ST3GAL1: variants seen among roughly 807,000 people sequenced by gnomAD.
ST3GAL1 encodes the protein ST3 beta-galactoside alpha-2,3-sialyltransferase 1, also known as CMP-N-acetylneuraminate-beta-galactosamide-alpha-2,3-sialyltransferase 1.
A neutral mutation model predicts 34.1 loss-of-function variants in ST3GAL1; 16 were observed. The observed-to-expected ratio is 0.47, with a 90% CI of 0.32 to 0.71. The LOEUF is 0.71. Among genes scored for constraint, ST3GAL1 ranks in the 30% least tolerant of loss-of-function variants. The pLI is 0.04. For synonymous variants in ST3GAL1, 191 were observed against 184.7 expected (o/e 1.03, Z -0.28); for missense variants, 353 against 447.4 (o/e 0.79, Z 1.90).
chr8:133,531,598 T>C (rs915959240), intron 2 of ST3GAL1, among the ~76,000 whole-genome samples: 1 of 152,036 alleles, frequency 6.6e-6, no homozygotes, highest in Non-Finnish European at 1.5e-5. Context: ...TAAAAAGCCA[T>C]GTTCTTCTCC....
Position 133,508,037 on chromosome 8 carries a change from CACAGACAATG to C in ST3GAL1, c.-428-8858_-428-8849del, listed in dbSNP as rs1817396023. ...CTCACCCCCCACACCCTAGGCAGCC[CACAGACAATG>C]ACAGAGGGACATGGGGTTACACAGG... is the stretch of plus-strand genomic sequence containing the variant. On this transcript the variant is annotated intron_variant, in intron 2 of 9. Coordinates refer to ENST00000522652, the MANE Select transcript of ST3GAL1 (RefSeq NM_173344.3). This position sits in a 1 kb window ranked among gnomAD's most constrained non-coding sequence, Gnocchi z 4.1. Among the ~76,000 whole-genome samples the C allele has an allele frequency of 6.6e-6, 1 of 152,198 alleles. No homozygotes were observed. The highest frequency in any genetic ancestry group is 1.5e-5 in the Non-Finnish European group (1 of 68,026).
At chr8:133,514,551 C>T (rs1335314473) in intron 2 of ST3GAL1, among the ~76,000 whole-genome samples, 1 of 152,120 alleles carries the variant, frequency 6.6e-6, no homozygotes, top group Non-Finnish European at 1.5e-5. Flanking sequence ...CTGGGGAGCA[C>T]CTCTCCTCCA....
chr8:133,533,680 A>C (rs550436654), intron 2 of ST3GAL1, among the ~76,000 whole-genome samples: 2 of 152,244 alleles, frequency 1.3e-5, no homozygotes, highest in East Asian at 3.9e-4. Context: ...CTCAATAGGG[A>C]TCCCCTTCCA....
intron 1 of ST3GAL1, among the ~76,000 whole-genome samples, chr8:133,559,330 G>A (rs534645999): frequency 7.2e-5 from 11 of 152,252 alleles, no homozygotes; most frequent in South Asian, 2.1e-4. Flanking sequence ...GTTCCAGGTC[G>A]CAGGGAGAAA....
rs951655599 is a variant in ST3GAL1 at position 133,467,100 on chromosome 8, A to C, written c.307-1010T>G. Among the ~76,000 whole-genome samples the C allele has an allele frequency of 1.3e-5, 2 of 151,988 alleles. No homozygotes were observed. Among genetic ancestry groups the C allele is most frequent in the Non-Finnish European group, 2.9e-5 (2 of 67,986 alleles). On this transcript the variant is annotated intron_variant, in intron 5 of 9. Coordinates refer to ENST00000522652, the MANE Select transcript of ST3GAL1 (RefSeq NM_173344.3). The surrounding 1 kb of genome is among the most constrained non-coding windows in gnomAD (Gnocchi z 4.2). ...ACAGAGCGAGACTCCAACTCGAAAA[A>C]AAAAAAAAAAAGACCTAGCTCGAGG...
chr8:133,480,879 A>C lies in ST3GAL1; in HGVS notation c.-373-4279T>G, dbSNP rs116586010. Among the ~76,000 whole-genome samples the C allele has an allele frequency of 4.5e-3, 681 of 151,442 alleles. 3 individuals carry two copies. Among genetic ancestry groups the C allele is most frequent in the African/African-American group, 0.015 (619 of 41,250 alleles). ...TTTACTCCCCCTTCTTGCTGTGCCT[A>C]CTCTATTTGAATTATGAATTCAGTT... On this transcript the variant is annotated intron_variant, in intron 3 of 9. Coordinates refer to ENST00000522652, the MANE Select transcript of ST3GAL1 (RefSeq NM_173344.3).
intron 2 of ST3GAL1, among the ~76,000 whole-genome samples, chr8:133,529,047 C>G (rs1237840248): frequency 6.6e-6 from 1 of 152,244 alleles, no homozygotes; most frequent in African/African-American, 2.4e-5. Context: ...AGAAACACAG[C>G]ACAGGTGGGA....
chr8:133,489,181 C>T (rs920907440), intron 3 of ST3GAL1, among the ~76,000 whole-genome samples: 1 of 152,196 alleles, frequency 6.6e-6, no homozygotes, highest in Non-Finnish European at 1.5e-5. Context: ...TCCTACACCA[C>T]ACTATGACCT....
At chr8:133,482,962 C>T (rs1816452806) in intron 3 of ST3GAL1, among the ~76,000 whole-genome samples, 1 of 152,262 alleles carries the variant, frequency 6.6e-6, no homozygotes, top group African/African-American at 2.4e-5. Flanking sequence ...CAAATCCTGA[C>T]TCTTCCCATT....
chr8:133,541,056 CAT>C (rs370560450), intron 2 of ST3GAL1, among the ~76,000 whole-genome samples: 827 of 48,302 alleles, frequency 0.017, 63 homozygotes, highest in African/African-American at 0.075. Context: ...TATATATAGA[CAT>C]ATATATATAG....
chr8:133,550,079 G>A (rs1484988076), intron 1 of ST3GAL1, among the ~76,000 whole-genome samples: 1 of 152,220 alleles, frequency 6.6e-6, no homozygotes, highest in Non-Finnish European at 1.5e-5. Flanking sequence ...GTTAAATGCA[G>A]AGAAAAGGCA....
chr8:133,472,255 C>A (rs1325877102), intron 5 of ST3GAL1, among the ~76,000 whole-genome samples: 1 of 152,150 alleles, frequency 6.6e-6, no homozygotes, highest in Non-Finnish European at 1.5e-5. Context: ...AGGGCTGGGA[C>A]GAGCTGGAAT....
At chr8:133,491,280 G>A (rs548930902) in intron 3 of ST3GAL1, among the ~76,000 whole-genome samples, 77 of 151,836 alleles carry the variant, frequency 5.1e-4, no homozygotes, top group African/African-American at 1.8e-3. Flanking sequence ...TCCTAGGATA[G>A]CCAAATGACA....
At chr8:133,485,808 G>A (rs1282186690) in intron 3 of ST3GAL1, among the ~76,000 whole-genome samples, 1 of 152,038 alleles carries the variant, frequency 6.6e-6, no homozygotes, top group Non-Finnish European at 1.5e-5. Context: ...ATAGAAGGTC[G>A]GGAGTTGGTT....
chr8:133,541,789 T>C (rs1436098663), intron 2 of ST3GAL1, among the ~76,000 whole-genome samples: 16 of 152,164 alleles, frequency 1.1e-4, no homozygotes. Flanking sequence ...GAGTCTTGGT[T>C]TGCTCATCTG....
intron 7 of ST3GAL1, among the ~76,000 whole-genome samples, chr8:133,463,700 A>G (rs1815609746): frequency 6.6e-6 from 1 of 152,066 alleles, no homozygotes; most frequent in Non-Finnish European, 1.5e-5. Flanking sequence ...TTTTGGCCCC[A>G]TTCCCCAAAA....
chr8:133,555,177 C>T (rs1472115122), intron 1 of ST3GAL1, among the ~76,000 whole-genome samples: 1 of 152,152 alleles, frequency 6.6e-6, no homozygotes, highest in Middle Eastern at 3.2e-3. Context: ...AGCTTCACTC[C>T]TCTGCCTTTG....
Position 133,456,596 on chromosome 8 carries a change from G to A in ST3GAL1, c.*3168C>T, listed in dbSNP as rs1446622970. 3 of 152,346 alleles carry A rather than the reference G, an allele frequency of 2.0e-5. No homozygotes were observed. Among genetic ancestry groups the A allele is most frequent in the Admixed American group, 6.5e-5 (1 of 15,290 alleles). The allele number at this position is 152,346 out of a possible 1,614,324, so 9.4% of individuals were successfully genotyped here. ...AATTCCCAGCCACCTTCACCCCAGG[G>A]ATGAGTTCCAGTTGGTTTAAGCCAG... On this transcript the variant is annotated 3_prime_UTR_variant, in exon 10 of 10. Transcript: ENST00000522652.
intron 1 of ST3GAL1, among the ~76,000 whole-genome samples, chr8:133,547,277 C>CTT (rs545499937): frequency 6.8e-6 from 1 of 146,832 alleles, no homozygotes; most frequent in African/African-American, 2.5e-5. Context: ...GAGAATCATT[C>CTT]TTTTTTTTTT....
Sources: gnomAD v4.1 joint callset for allele counts (sites outside exome capture counted in the v4.1 genomes callset) on GRCh38, gnomAD v4.1.1 for gene constraint, Gnocchi (gnomAD v3.1) non-coding constraint, MANE v1.5 for transcripts, NCBI Gene and HGNC (gene_info 2026-07-23, HGNC 2026-07-21) for gene names.